PIBF1: variants seen among roughly 807,000 people sequenced by gnomAD.
The protein encoded by PIBF1 is progesterone immunomodulatory binding factor 1, also known as progesterone-induced-blocking factor 1.
PIBF1 carries 90 observed loss-of-function variants against 112.5 expected under a neutral mutation model. That is an observed-to-expected ratio of 0.80 (90% confidence interval 0.67 to 0.95). PIBF1 has a LOEUF of 0.95. PIBF1 is among the 40% of genes least tolerant of loss of function. The probability of loss-of-function intolerance (pLI) is 0.00; values close to 1 mark genes in which losing one functional copy is unlikely to be tolerated. For synonymous variants in PIBF1, 301 were observed against 288.6 expected (o/e 1.04, Z -0.44); for missense variants, 915 against 852.3 (o/e 1.07, Z -0.92).
intron 5 of PIBF1, among the ~76,000 whole-genome samples, chr13:72,805,265 C>T (rs1226867936): frequency 6.6e-6 from 1 of 152,222 alleles, no homozygotes. Flanking sequence ...GCCTCAACCT[C>T]CCGAGTAGCT....
At chr13:72,826,686 A>C (rs1408582089) in intron 6 of PIBF1, among the ~76,000 whole-genome samples, 1 of 152,168 alleles carries the variant, frequency 6.6e-6, no homozygotes, top group Non-Finnish European at 1.5e-5. Flanking sequence ...ATTCTTTAAA[A>C]GTTTTAACCT....
chr13:72,877,318 T>C (rs2039451120), intron 10 of PIBF1, among the ~76,000 whole-genome samples: 1 of 152,232 alleles, frequency 6.6e-6, no homozygotes, highest in African/African-American at 2.4e-5. Flanking sequence ...TCTATATTAA[T>C]GAGAGATGTT....
At chr13:73,001,928 T>A (rs2043883105) in intron 17 of PIBF1, among the ~76,000 whole-genome samples, 2 of 152,168 alleles carry the variant, frequency 1.3e-5, no homozygotes, top group African/African-American at 4.8e-5. Context: ...GACAAGACTT[T>A]TTTTAATGTG....
intron 14 of PIBF1, among the ~76,000 whole-genome samples, chr13:72,933,624 C>A (rs1012224088): frequency 6.6e-6 from 1 of 152,122 alleles, no homozygotes; most frequent in African/African-American, 2.4e-5. Flanking sequence ...ATCGTGCCAT[C>A]GTACTCCAGC....
At chr13:72,922,477 A>G (rs1319308779) in intron 13 of PIBF1, among the ~76,000 whole-genome samples, 1 of 152,198 alleles carries the variant, frequency 6.6e-6, no homozygotes, top group Non-Finnish European at 1.5e-5. Flanking sequence ...TTAACCTGCC[A>G]CACTAAATGG....
intron 15 of PIBF1, among the ~76,000 whole-genome samples, chr13:72,973,280 C>T (rs933524940): frequency 8.0e-5 from 11 of 138,164 alleles, no homozygotes; most frequent in Non-Finnish European, 1.3e-4. Flanking sequence ...AAGACTCCAT[C>T]TCTTTAAAAA....
intron 11 of PIBF1, among the ~76,000 whole-genome samples, chr13:72,904,093 AT>A (rs11436137): frequency 5.2e-4 from 76 of 146,866 alleles, no homozygotes; most frequent in South Asian, 8.7e-4. Context: ...TGGGTAAAAG[AT>A]TTTTTTTTTT....
chr13:72,916,613 A>G (rs1480836236), intron 12 of PIBF1, among the ~76,000 whole-genome samples: 1 of 152,100 alleles, frequency 6.6e-6, no homozygotes, highest in African/African-American at 2.4e-5. Flanking sequence ...CACAGTTTTT[A>G]ATAGAGTAAC....
intron 16 of PIBF1, among the ~76,000 whole-genome samples, chr13:72,981,251 CA>C (rs923089853): frequency 1.4e-5 from 2 of 139,130 alleles, no homozygotes; most frequent in South Asian, 2.2e-4. Context: ...GACTCTGTCT[CA>C]AAAAAAATAA....
In PIBF1 at chr13:72,855,347, T is replaced by A. The variant is rs540564016; in HGVS notation, c.1322+1192T>A. 2.0e-5 allele frequency among the ~76,000 whole-genome samples: 3 copies of A among 152,284 alleles called. No individual in the cohort carries two copies. The South Asian group carries it at 6.2e-4, about 32-fold the overall frequency. Reference sequence around the variant, plus strand: ...TTTAATAAATGTTATATTGAAGAAGTCATTCCTATAATGTGGAAGTATGTC... The same window carrying A: ...TTTAATAAATGTTATATTGAAGAAGACATTCCTATAATGTGGAAGTATGTC... On this transcript the variant is annotated intron_variant, in intron 10 of 17. Coordinates refer to ENST00000326291, the MANE Select transcript of PIBF1 (RefSeq NM_006346.4).
intron 16 of PIBF1, among the ~76,000 whole-genome samples, chr13:72,989,046 G>C (rs1486571700): frequency 6.6e-6 from 1 of 151,884 alleles, no homozygotes; most frequent in African/African-American, 2.4e-5. Context: ...TCAAAAAAAA[G>C]AAAAAGAAAT....
chr13:73,015,016 C>T (rs1029090201), intron 17 of PIBF1, among the ~76,000 whole-genome samples: 3 of 152,156 alleles, frequency 2.0e-5, no homozygotes, highest in Admixed American at 6.5e-5. Flanking sequence ...AAACTCCTGA[C>T]CTCAAGTGAT....
At position 72,783,513 on chromosome 13, in the gene PIBF1, C is replaced by T. The variant is rs2034416460; in HGVS notation, c.44C>T (p.Ser15Phe). ...AAGGAGTCAAAAAAAGTGAACATCT[C>T]TAGTTCTCTGGAATCTGAAGATATT... ...ISKESKKVNI[S>F]SSLESEDISL... is the part of the protein sequence containing the mutation. The change falls in exon 2 of 18, where the codon TCT (serine) becomes TTT (phenylalanine). Residue 15 changes from serine (S) to phenylalanine (F), a missense_variant. Ser to Phe is a radical substitution (Grantham distance 155). Transcript: ENST00000326291. 6.2e-7 allele frequency: 1 copy of T among 1,611,792 alleles called. No homozygotes were observed. The highest frequency in any genetic ancestry group is 8.5e-7 in the Non-Finnish European group (1 of 1,177,942).
chr13:72,920,427 T>TA (rs1329986890), intron 13 of PIBF1, among the ~76,000 whole-genome samples: 4 of 152,228 alleles, frequency 2.6e-5, no homozygotes, highest in African/African-American at 9.6e-5. Context: ...ATTGAGTGCT[T>TA]ACTGTATGCA....
chr13:72,815,646 T>C (rs2036231717), intron 5 of PIBF1, among the ~76,000 whole-genome samples: 1 of 152,188 alleles, frequency 6.6e-6, no homozygotes, highest in Non-Finnish European at 1.5e-5. Flanking sequence ...TTCCATCACC[T>C]GTGTTAATAC....
intron 5 of PIBF1, among the ~76,000 whole-genome samples, chr13:72,807,041 A>C (rs572595484): frequency 6.6e-6 from 1 of 151,224 alleles, no homozygotes; most frequent in East Asian, 1.9e-4. Context: ...TATATACCAC[A>C]TTTGCTTTAT....
At chr13:72,907,330 T>C (rs1463353835) in intron 11 of PIBF1, among the ~76,000 whole-genome samples, 2 of 152,114 alleles carry the variant, frequency 1.3e-5, no homozygotes, top group East Asian at 1.9e-4. Context: ...AGAAAACATA[T>C]AATCATACAC....
intron 17 of PIBF1, among the ~76,000 whole-genome samples, chr13:73,005,081 A>G (rs947292672): frequency 2.6e-5 from 4 of 152,152 alleles, no homozygotes; most frequent in Admixed American, 1.3e-4. Context: ...AGGCTGAGGC[A>G]GGAGAATCAC....
At chr13:72,866,039 T>A (rs2038911767) in intron 10 of PIBF1, among the ~76,000 whole-genome samples, 1 of 152,194 alleles carries the variant, frequency 6.6e-6, no homozygotes, top group Non-Finnish European at 1.5e-5. Context: ...AATCCTTTGC[T>A]TGCTTCTTCC....
Sources: allele counts gnomAD v4.1 joint callset (sites outside exome capture counted in the v4.1 genomes callset), GRCh38; gene constraint gnomAD v4.1.1; transcripts MANE v1.5; gene names NCBI Gene and HGNC (gene_info 2026-07-23, HGNC 2026-07-21).